PROKR2: variants seen among roughly 807,000 people sequenced by gnomAD.
The protein encoded by PROKR2 is G protein-coupled receptor 73-like 1.
Under a neutral mutation model 23.4 loss-of-function variants are expected in PROKR2, and 26 were observed. The ratio of observed to expected loss-of-function variants is 1.11; its 90% CI spans 0.81 to 1.54. The LOEUF is 1.54. Ranked by LOEUF, PROKR2 falls within the 40% of genes most tolerant of loss-of-function variation. The probability of loss-of-function intolerance (pLI) is 0.00; values close to 1 mark genes in which losing one functional copy is unlikely to be tolerated. For synonymous variants in PROKR2, 212 were observed against 201.2 expected (o/e 1.05, Z -0.45); for missense variants, 453 against 511.5 (o/e 0.89, Z 1.10).
At chr20:5,302,763 G>A in intron 2 of PROKR2, 27 bp from the exon 3 acceptor site, 4 of 1,554,492 alleles carry the variant, frequency 2.6e-6, no homozygotes, top group Non-Finnish European at 3.6e-6. Context: ...GCCAACAGTA[G>A]TAATGATGAA....
intron 2 of PROKR2, among the ~76,000 whole-genome samples, chr20:5,303,352 C>T (rs1420662046): frequency 6.6e-6 from 1 of 152,158 alleles, no homozygotes; most frequent in African/African-American, 2.4e-5. Flanking sequence ...TCCTGCATTT[C>T]AGAGGCAGGA....
At chr20:5,307,713 G>A (rs1979273058) in intron 2 of PROKR2, among the ~76,000 whole-genome samples, 1 of 152,230 alleles carries the variant, frequency 6.6e-6, no homozygotes, top group South Asian at 2.1e-4. Flanking sequence ...ATGGCAAGAA[G>A]TATGGCAAGA....
chr20:5,314,120 A>G lies in PROKR2; in HGVS notation c.250T>C (p.Leu84=). The change falls in exon 2 of 3, where the codon TTG becomes CTG. Residue 84 remains leucine (L), a synonymous_variant. Coordinates refer to ENST00000678254, the MANE Select transcript of PROKR2 (RefSeq NM_144773.4). ...FIAALTRYKK[L]RNLTNLLIAN... ...ATGAGCAGATTGGTGAGGTTGCGCA[A>G]CTTCTTATAGCGGGTGAGGGCAGCG... 2 of 1,614,186 alleles carry G rather than the reference A, an allele frequency of 1.2e-6. No homozygotes were observed. The highest frequency in any genetic ancestry group is 1.7e-6 in the Non-Finnish European group (2 of 1,180,028).
chr20:5,313,966 C>G lies in PROKR2; in HGVS notation c.404G>C (p.Arg135Pro). ...GGTGGAGACGTAGAGGGAGACGGTG[C>G]GCAGGTAGTTGACGGAGGCACAGAG... The part of the protein sequence containing the change: ...HVLCASVNYL[R>P]TVSLYVSTNA... Residue 135 changes from arginine (R) to proline (P), a missense_variant, in exon 2 of 3, where the codon CGC (arginine) becomes CCC (proline). Arg to Pro is a moderately radical substitution (Grantham distance 103). Transcript: ENST00000678254. The G allele has an allele frequency of 1.9e-6, 3 of 1,614,146 alleles. No individual in the cohort carries two copies. Among genetic ancestry groups the G allele is most frequent in the Non-Finnish European group, 2.5e-6 (3 of 1,180,038 alleles).
At position 5,316,244 on chromosome 20, in the gene PROKR2, G is replaced by A. The variant is rs1407760108; in HGVS notation, c.-9+250C>T. 6.6e-6 allele frequency: 3 copies of A among 456,540 alleles called. No homozygotes were observed. Among genetic ancestry groups the A allele is most frequent in the Non-Finnish European group, 8.8e-6 (2 of 226,924 alleles). The allele number at this position is 456,540 out of a possible 1,614,324, so 28.3% of individuals were successfully genotyped here. A position where few individuals can be genotyped will look rare whatever the true frequency, so the allele number is the denominator to read the frequency against. On this transcript the variant is annotated intron_variant, in intron 1 of 2. Coordinates refer to ENST00000678254, the MANE Select transcript of PROKR2 (RefSeq NM_144773.4). The surrounding 1 kb of genome is among the most constrained non-coding windows in gnomAD (Gnocchi z 5.0). Reference sequence around the variant, plus strand: ...TCGTCCGCGAGCTCAGCTACCCGCTGGCTCCCTCTGCCCGCGCCCGCACAC... The same window carrying A: ...TCGTCCGCGAGCTCAGCTACCCGCTAGCTCCCTCTGCCCGCGCCCGCACAC...
At position 5,302,387 on chromosome 20, in the gene PROKR2, G is replaced by C. The variant is rs777513102; in HGVS notation, c.808C>G (p.Arg270Gly). 4.3e-6 allele frequency: 7 copies of C among 1,614,210 alleles called. No homozygotes were observed. The highest frequency in any genetic ancestry group is 2.2e-5 in the East Asian group (1 of 44,880). ...ATGAGCACCAGGACCGTCTTCCTGC[G>C]GCAGCGCAGCCGCTTGCGAATCTGC... is the stretch of plus-strand genomic sequence containing the variant. ...TEQIRKRLRC[R>G]RKTVLVLMCI... Residue 270 changes from arginine to glycine, a missense_variant, in exon 3 of 3, where the codon CGC becomes GGC. Coordinates refer to ENST00000678254, the MANE Select transcript of PROKR2 (RefSeq NM_144773.4).
At chr20:5,303,839 C>T (rs191599267) in intron 2 of PROKR2, among the ~76,000 whole-genome samples, 13 of 152,184 alleles carry the variant, frequency 8.5e-5, no homozygotes, top group South Asian at 6.2e-4. Flanking sequence ...AGCAGGATGC[C>T]GCCTGCTGGT....
chr20:5,306,647 G>C (rs886239160), intron 2 of PROKR2, among the ~76,000 whole-genome samples: 1 of 152,200 alleles, frequency 6.6e-6, no homozygotes, highest in Non-Finnish European at 1.5e-5. Context: ...GGTATTGACT[G>C]CTTTTGATAT....
At chr20:5,311,714 C>T (rs143829986) in intron 2 of PROKR2, among the ~76,000 whole-genome samples, 20 of 152,254 alleles carry the variant, frequency 1.3e-4, no homozygotes, top group African/African-American at 2.4e-4. Context: ...TCTAATCAGC[C>T]GCCAGCTTGG....
At chr20:5,303,543 C>T (rs548280453) in intron 2 of PROKR2, among the ~76,000 whole-genome samples, 86 of 152,290 alleles carry the variant, frequency 5.6e-4, no homozygotes, top group Non-Finnish European at 8.8e-4. Context: ...TTGCCCTTTC[C>T]AATGAGCCAC....
At chr20:5,307,326 C>T (rs1979256512) in intron 2 of PROKR2, among the ~76,000 whole-genome samples, 1 of 152,194 alleles carries the variant, frequency 6.6e-6, no homozygotes, top group South Asian at 2.1e-4. Context: ...CAACGGCTGA[C>T]ACAGAGAACA....
rs532261444 is a variant in PROKR2, at chr20:5,308,633, C to T, written c.458+5279G>A. Among the ~76,000 whole-genome samples the T allele has an allele frequency of 2.0e-3, 310 of 152,314 alleles. 1 individual carries two copies. The highest frequency in any genetic ancestry group is 3.2e-3 in the Admixed American group (49 of 15,306). ...GAAACCCCTGATTTCCCACTTCACA[C>T]CTCTATATTTCTGTGTGTGTGTCTT... On this transcript the variant is annotated intron_variant, in intron 2 of 2. Coordinates refer to ENST00000678254, the MANE Select transcript of PROKR2 (RefSeq NM_144773.4).
chr20:5,310,649 C>T (rs1979404593), intron 2 of PROKR2, among the ~76,000 whole-genome samples: 1 of 38,488 alleles, frequency 2.6e-5, no homozygotes, highest in African/African-American at 1.5e-4. Context: ...CAGAGCAGCC[C>T]TCATCAATGA....
At chr20:5,308,202 C>T (rs529751127) in intron 2 of PROKR2, among the ~76,000 whole-genome samples, 10 of 36,962 alleles carry the variant, frequency 2.7e-4, no homozygotes, top group African/African-American at 6.5e-4. Flanking sequence ...GCCCCCCCCC[C>T]TCAAAACCTG....
intron 2 of PROKR2, among the ~76,000 whole-genome samples, chr20:5,313,580 G>C (rs1211941537): frequency 6.6e-6 from 1 of 152,242 alleles, no homozygotes; most frequent in Admixed American, 6.5e-5. Flanking sequence ...CTGACTGGAA[G>C]CTGCCCTAGT....
chr20:5,300,356 G>A lies in PROKR2; in HGVS notation c.*1684C>T, dbSNP rs564335601. On this transcript the variant is annotated 3_prime_UTR_variant, in exon 3 of 3. Coordinates refer to ENST00000678254, the MANE Select transcript of PROKR2 (RefSeq NM_144773.4). The stretch of plus-strand genomic sequence containing the variant: ...TTCCCAGATTATAACCAAGAACAGG[G>A]ATCCCTTTTTGGCCCACTGTAGACA... 8.5e-5 allele frequency among the ~76,000 whole-genome samples: 13 copies of A among 152,194 alleles called. No individual in the cohort carries two copies. Among genetic ancestry groups the A allele is most frequent in the Non-Finnish European group, 1.9e-4 (13 of 68,038 alleles).
In PROKR2 at chr20:5,302,049, C is replaced by T; in HGVS notation, c.1146G>A (p.Arg382=). 1 of 1,613,958 alleles carries T rather than the reference C, an allele frequency of 6.2e-7. No individual in the cohort carries two copies. Among genetic ancestry groups the T allele is most frequent in the South Asian group, 1.1e-5 (1 of 91,056 alleles). ...GTGTGACACCAGTGGGTCACTTCAG[C>T]CTGATACAGTCCACCTCTTCTGTGG... ...VPTTEEVDCI[R]LK Residue 382 remains arginine (R), a synonymous_variant, in exon 3 of 3, where the codon AGG becomes AGA. Coordinates refer to ENST00000678254, the MANE Select transcript of PROKR2 (RefSeq NM_144773.4).
At chr20:5,304,379 G>A in intron 2 of PROKR2, among the ~76,000 whole-genome samples, 1 of 152,346 alleles carries the variant, frequency 6.6e-6, no homozygotes, top group South Asian at 2.1e-4. Context: ...TAGTGGGACT[G>A]TTAAAGAATG....
chr20:5,314,428 T>C (rs1008674486), intron 1 of PROKR2, 51 bp from the exon 2 acceptor site: 3 of 1,445,914 alleles, frequency 2.1e-6, no homozygotes, highest in Non-Finnish European at 1.9e-6. Context: ...GTCCAGACCT[T>C]CTGCTCTTTC....
Sources: gnomAD v4.1 joint callset for allele counts (sites outside exome capture counted in the v4.1 genomes callset) on GRCh38, gnomAD v4.1.1 for gene constraint, Gnocchi (gnomAD v3.1) non-coding constraint, MANE v1.5 for transcripts, NCBI Gene and HGNC (gene_info 2026-07-23, HGNC 2026-07-21) for gene names.